Variants in TMTC1 observed in about 807,000 individuals in gnomAD.
TMTC1 encodes transmembrane O-mannosyltransferase targeting cadherins 1.
Under a neutral mutation model 104.8 loss-of-function variants are expected in TMTC1, and 73 were observed. The ratio of observed to expected loss-of-function variants is 0.70; its 90% CI spans 0.58 to 0.85. The LOEUF (loss-of-function observed/expected upper bound fraction) is 0.85, where lower values mean the gene tolerates loss of function less well. Among genes scored for constraint, TMTC1 ranks in the 40% least tolerant of loss-of-function variants. The pLI, the probability that TMTC1 is intolerant of heterozygous loss-of-function variation, is 0.00. For synonymous variants in TMTC1, 434 were observed against 428.7 expected, an observed-to-expected ratio of 1.01 and a Z score of -0.15; for missense variants, 1,035 against 1,096.1, an observed-to-expected ratio of 0.94 and a Z score of 0.79.
chr12:29,580,834 T>C (rs1182620546), intron 8 of TMTC1, among the ~76,000 whole-genome samples: 1 of 152,108 alleles, frequency 6.6e-6, no homozygotes, highest in African/African-American at 2.4e-5. Context: ...GGTTTAACAC[T>C]ATATTATAAT....
intron 10 of TMTC1, among the ~76,000 whole-genome samples, chr12:29,542,164 G>A (rs1944819052): frequency 6.6e-6 from 1 of 152,132 alleles, no homozygotes; most frequent in African/African-American, 2.4e-5. Context: ...GTGAAAAATA[G>A]ATAAAATCGA....
At chr12:29,767,260 T>C (rs1419689028) in intron 2 of TMTC1, among the ~76,000 whole-genome samples, 1 of 152,176 alleles carries the variant, frequency 6.6e-6, no homozygotes, top group African/African-American at 2.4e-5. Flanking sequence ...GCCAATACTT[T>C]TTAAATAAAT....
intron 11 of TMTC1, among the ~76,000 whole-genome samples, chr12:29,528,239 G>A (rs1944403518): frequency 6.6e-6 from 1 of 152,062 alleles, no homozygotes; most frequent in Admixed American, 6.6e-5. Context: ...ATCATTTCTA[G>A]TCTCTACTGA....
At chr12:29,744,218 A>C (rs1380815080) in intron 5 of TMTC1, among the ~76,000 whole-genome samples, 1 of 152,182 alleles carries the variant, frequency 6.6e-6, no homozygotes, top group Non-Finnish European at 1.5e-5. Context: ...CAGGGGATCA[A>C]ATATTGCCAA....
At chr12:29,664,297 C>T (rs943719730) in intron 5 of TMTC1, among the ~76,000 whole-genome samples, 5 of 151,570 alleles carry the variant, frequency 3.3e-5, no homozygotes, top group Non-Finnish European at 4.4e-5. Context: ...GAGCAGTGGA[C>T]GAAAAAAAAA....
chr12:29,539,258 C>G (rs1282806684), intron 10 of TMTC1, among the ~76,000 whole-genome samples: 1 of 152,120 alleles, frequency 6.6e-6, no homozygotes, highest in Admixed American at 6.6e-5. Flanking sequence ...TTAGTAGCAT[C>G]CCTTTTTCAT....
rs1004687287 is a variant in TMTC1, at chr12:29,735,277, A to T, written c.938+16389T>A. 2.6e-5 allele frequency among the ~76,000 whole-genome samples: 4 copies of T among 152,204 alleles called. No homozygotes were observed. In the East Asian group the frequency reaches 7.7e-4, roughly 29 times the overall value. Reference sequence around the variant, plus strand: ...GGAAAAACAGAGTGAATTAAGACTCAGGAGCCATGCTGCAGGGGCCTGATT... The same window carrying T: ...GGAAAAACAGAGTGAATTAAGACTCTGGAGCCATGCTGCAGGGGCCTGATT... On this transcript the variant is annotated intron_variant, in intron 5 of 17. Coordinates refer to ENST00000539277, the MANE Select transcript of TMTC1 (RefSeq NM_001193451.2).
At chr12:29,529,881 A>C (rs959517311) in intron 11 of TMTC1, 1 of 152,208 alleles carries the variant, frequency 6.6e-6, no homozygotes, top group Non-Finnish European at 1.5e-5. Context: ...TGTGATCAAC[A>C]CTACTCTGAC....
At chr12:29,622,188 T>C (rs1471642139) in intron 6 of TMTC1, among the ~76,000 whole-genome samples, 1 of 152,170 alleles carries the variant, frequency 6.6e-6, no homozygotes, top group African/African-American at 2.4e-5. Flanking sequence ...GCCCACCTCT[T>C]TTTCTCTCAT....
chr12:29,588,915 A>G (rs1018321027), intron 7 of TMTC1, among the ~76,000 whole-genome samples: 1 of 152,088 alleles, frequency 6.6e-6, no homozygotes, highest in African/African-American at 2.4e-5. Context: ...TGGGACCCCA[A>G]TTGACTATGC....
In TMTC1 at chr12:29,604,234, G is replaced by C. The variant is rs1299445980; in HGVS notation, c.1194C>G (p.Ser398Arg). ...LFLVFPFIPA[S>R]NLFFRVGFVV... The stretch of plus-strand genomic sequence containing the variant: ...CAAAACCCACCCTGAAGAAGAGGTT[G>C]CTGGCTGGAATGAACGGGAACACCA... Residue 398 changes from serine (S) to arginine (R), a missense_variant, in exon 7 of 18, where the codon AGC becomes AGG. Ser to Arg is a moderately radical substitution (Grantham distance 110). Coordinates refer to ENST00000539277, the MANE Select transcript of TMTC1 (RefSeq NM_001193451.2). 1 of 1,613,972 alleles carries C rather than the reference G, an allele frequency of 6.2e-7. No homozygotes were observed. Among genetic ancestry groups the C allele is most frequent in the East Asian group, 2.2e-5 (1 of 44,848 alleles).
intron 5 of TMTC1, among the ~76,000 whole-genome samples, chr12:29,633,905 A>G (rs962791946): frequency 2.0e-5 from 3 of 152,180 alleles, no homozygotes; most frequent in African/African-American, 7.2e-5. Context: ...ACTAGGCACT[A>G]AGGTAAAGTG....
At chr12:29,669,789 G>A (rs1368374916) in intron 5 of TMTC1, among the ~76,000 whole-genome samples, 1 of 152,162 alleles carries the variant, frequency 6.6e-6, no homozygotes. Context: ...AGGATACATA[G>A]TATGTATTTG....
In TMTC1 at chr12:29,558,044, G is replaced by A. The variant is rs141224114; in HGVS notation, c.1533-1044C>T. Among the ~76,000 whole-genome samples the A allele has an allele frequency of 8.2e-3, 1,248 of 152,222 alleles. 18 individuals carry two copies. The highest frequency in any genetic ancestry group is 0.011 in the Admixed American group (172 of 15,292). On this transcript the variant is annotated intron_variant, in intron 9 of 17. Coordinates refer to ENST00000539277, the MANE Select transcript of TMTC1 (RefSeq NM_001193451.2). ...AGCAAATGTAAAAGAGGATGAGGTGGACATCAGTATATCAAATTTATACTG... is the reference window on the plus strand; with the variant it reads ...AGCAAATGTAAAAGAGGATGAGGTGAACATCAGTATATCAAATTTATACTG...
chr12:29,525,432 C>G (rs770173208), intron 11 of TMTC1, among the ~76,000 whole-genome samples: 1 of 151,780 alleles, frequency 6.6e-6, no homozygotes, highest in Non-Finnish European at 1.5e-5. Flanking sequence ...GTGATCCACC[C>G]GCCTTGGCTT....
chr12:29,650,209 C>T (rs916451830), intron 5 of TMTC1, among the ~76,000 whole-genome samples: 3 of 151,978 alleles, frequency 2.0e-5, no homozygotes, highest in East Asian at 1.9e-4. Flanking sequence ...CTCAGCCTCC[C>T]GAGTAGCTGG....
At chr12:29,569,116 C>A in intron 9 of TMTC1, 2 of 383,432 alleles carry the variant, frequency 5.2e-6, no homozygotes, top group Admixed American at 2.9e-5. Context: ...GAATACGTGA[C>A]CTTAGATGCA....
intron 8 of TMTC1, among the ~76,000 whole-genome samples, chr12:29,573,759 C>T (rs542266595): frequency 2.6e-5 from 4 of 152,172 alleles, no homozygotes; most frequent in Non-Finnish European, 4.4e-5. Context: ...AATTCAGAGT[C>T]GCTGGATCAT....
At chr12:29,747,858 C>T (rs1003116639) in intron 5 of TMTC1, among the ~76,000 whole-genome samples, 2 of 152,108 alleles carry the variant, frequency 1.3e-5, no homozygotes, top group African/African-American at 2.4e-5. Context: ...AAAACTGAGG[C>T]TCACAGAGAT....
Sources: gnomAD v4.1 joint callset for allele counts (sites outside exome capture counted in the v4.1 genomes callset) on GRCh38, gnomAD v4.1.1 for gene constraint, MANE v1.5 for transcripts, NCBI Gene and HGNC (gene_info 2026-07-23, HGNC 2026-07-21) for gene names.